The following GRK5 variants were observed in gnomAD, a reference collection of about 807,000 sequenced individuals.
GRK5 encodes g protein-coupled receptor kinase GRK5.
Under a neutral mutation model 78.4 loss-of-function variants are expected in GRK5, and 40 were observed. The ratio of observed to expected loss-of-function variants is 0.51; its 90% CI spans 0.40 to 0.66. GRK5 has a LOEUF of 0.66. GRK5 is among the 30% of genes least tolerant of loss of function. GRK5 has a pLI of 0.00. For missense variants in GRK5, 598 were observed against 759.9 expected (o/e 0.79, Z 2.50); for synonymous variants, 289 against 296.8 (o/e 0.97, Z 0.27).
Position 119,413,793 on chromosome 10 carries a change from G to A in GRK5, c.340-9373G>A, listed in dbSNP as rs899189135. On this transcript the variant is annotated intron_variant, in intron 4 of 15. Coordinates refer to ENST00000392870, the MANE Select transcript of GRK5 (RefSeq NM_005308.3). ...AACCCACATCAAGGCCCAGCACAACGCCTGCCTCTCTCAGGGGCCGTGACT... is the reference window on the plus strand; with the variant it reads ...AACCCACATCAAGGCCCAGCACAACACCTGCCTCTCTCAGGGGCCGTGACT... Among the ~76,000 whole-genome samples the A allele has an allele frequency of 2.6e-5, 4 of 152,124 alleles. No individual in the cohort carries two copies. In the East Asian group the frequency reaches 5.8e-4, roughly 22 times the overall value.
Position 119,448,198 on chromosome 10 carries a change from T to G in GRK5, c.1342T>G (p.Phe448Val). The G allele has an allele frequency of 6.3e-7, 1 of 1,591,548 alleles. No homozygotes were observed. Among genetic ancestry groups the G allele is most frequent in the Non-Finnish European group, 8.5e-7 (1 of 1,170,618 alleles). Residue 448 changes from phenylalanine (F) to valine (V), a missense_variant, in exon 13 of 16, where the codon TTC (phenylalanine) becomes GTC (valine). Transcript: ENST00000392870. ...TGCAGAGGTCAAGAGACACCCCTTC[T>G]TCAGGAACATGAACTTCAAGCGCTT... ...GAAEVKRHPF[F>V]RNMNFKRLEA...
chr10:119,338,704 A>G (rs1286155288), intron 2 of GRK5, among the ~76,000 whole-genome samples: 1 of 151,792 alleles, frequency 6.6e-6, no homozygotes, highest in African/African-American at 2.4e-5. Context: ...AGTACCCTCA[A>G]CCCAGCATCC....
intron 1 of GRK5, among the ~76,000 whole-genome samples, chr10:119,222,660 G>A (rs994905622): frequency 2.0e-5 from 3 of 151,652 alleles, no homozygotes; most frequent in Non-Finnish European, 4.4e-5. Flanking sequence ...AGAGCCCCAC[G>A]GCCTTCAGTA....
chr10:119,337,785 A>G (rs1023757278), intron 2 of GRK5, among the ~76,000 whole-genome samples: 13 of 151,942 alleles, frequency 8.6e-5, no homozygotes, highest in African/African-American at 2.9e-4. Context: ...GTGCCCGGCT[A>G]ATTTTTTTTA....
Position 119,430,509 on chromosome 10 carries a change from A to C in GRK5, c.597+71A>C. ...TCACCTTTCCTGTCCCTTCTAAATC[A>C]ACCTAAAGGGTTGGCCCACGGGTCC... On this transcript the variant is annotated intron_variant, in intron 7 of 15. Coordinates refer to ENST00000392870, the MANE Select transcript of GRK5 (RefSeq NM_005308.3). The surrounding 1 kb of genome is among the most constrained non-coding windows in gnomAD (Gnocchi z 4.5). 1 of 1,452,744 alleles carries C rather than the reference A, an allele frequency of 6.9e-7. No individual in the cohort carries two copies. The highest frequency in any genetic ancestry group is 9.6e-7 in the Non-Finnish European group (1 of 1,046,556). The allele number at this position is 1,452,744 out of a possible 1,614,324, so 90.0% of individuals were successfully genotyped here.
rs929330682 is a variant in GRK5, at chr10:119,379,380, C to T, written c.149-1435C>T. Among the ~76,000 whole-genome samples the T allele has an allele frequency of 1.3e-5, 2 of 152,134 alleles. No individual in the cohort carries two copies. Among genetic ancestry groups the T allele is most frequent in the Non-Finnish European group, 2.9e-5 (2 of 68,028 alleles). On this transcript the variant is annotated intron_variant, in intron 2 of 15. Coordinates refer to ENST00000392870, the MANE Select transcript of GRK5 (RefSeq NM_005308.3). The surrounding 1 kb of genome is among the most constrained non-coding windows in gnomAD (Gnocchi z 4.1). ...GAGCCCACACTGACACTCACAGCTA[C>T]CACGAGATCCTCCCTCCCGGCAAGC...
intron 1 of GRK5, among the ~76,000 whole-genome samples, chr10:119,241,597 G>A (rs1364518428): frequency 6.6e-6 from 1 of 152,172 alleles, no homozygotes; most frequent in Non-Finnish European, 1.5e-5. Flanking sequence ...TGGGCACATA[G>A]GGGATGTTCA....
chr10:119,286,363 C>G (rs542703951), intron 1 of GRK5, among the ~76,000 whole-genome samples: 1 of 152,228 alleles, frequency 6.6e-6, no homozygotes, highest in Non-Finnish European at 1.5e-5. Context: ...TCAAAATCTG[C>G]CCCCTTGTTT....
At position 119,215,440 on chromosome 10, in the gene GRK5, G is replaced by A. The variant is rs540663275; in HGVS notation, c.52+7471G>A. ...AGTTGGGGAGAGAGACAGTGTGGAG[G>A]AGGGGGAGAAGGAGAGATGAGAGGG... On this transcript the variant is annotated intron_variant, in intron 1 of 15. Coordinates refer to ENST00000392870, the MANE Select transcript of GRK5 (RefSeq NM_005308.3). 2.2e-4 allele frequency among the ~76,000 whole-genome samples: 33 copies of A among 151,366 alleles called. 1 individual carries two copies. In the South Asian group the frequency reaches 7.0e-3, roughly 32 times the overall value.
At chr10:119,377,063 A>G (rs940980267) in intron 2 of GRK5, among the ~76,000 whole-genome samples, 26 of 152,034 alleles carry the variant, frequency 1.7e-4, no homozygotes, top group African/African-American at 6.3e-4. Flanking sequence ...CCCACCCCTA[A>G]AGATAGATTT....
At chr10:119,294,637 G>A (rs1341157658) in intron 1 of GRK5, among the ~76,000 whole-genome samples, 4 of 152,154 alleles carry the variant, frequency 2.6e-5, no homozygotes, top group Non-Finnish European at 4.4e-5. Context: ...AGGTTCGCAG[G>A]GCTAAGGAGG....
At chr10:119,421,545 C>T (rs564258870) in intron 4 of GRK5, among the ~76,000 whole-genome samples, 5 of 152,326 alleles carry the variant, frequency 3.3e-5, no homozygotes, top group East Asian at 1.9e-4. Context: ...AGTTGTGACC[C>T]GTGCTCTGTG....
At chr10:119,318,133 G>C (rs539209706) in intron 1 of GRK5, among the ~76,000 whole-genome samples, 7 of 151,886 alleles carry the variant, frequency 4.6e-5, no homozygotes, top group Non-Finnish European at 7.4e-5. Context: ...AGTTTCCCCC[G>C]TGGAACCTTT....
Position 119,378,255 on chromosome 10 carries a change from G to T in GRK5, c.149-2560G>T, listed in dbSNP as rs143368638. On this transcript the variant is annotated intron_variant, in intron 2 of 15. Coordinates refer to ENST00000392870, the MANE Select transcript of GRK5 (RefSeq NM_005308.3). This position sits in a 1 kb window ranked among gnomAD's most constrained non-coding sequence, Gnocchi z 4.5. ...ACTGAGGCTAAATGCTTGTTGGAGT[G>T]GCTATTTGTGAACCATCTGTGCTGG... 4.2e-4 allele frequency among the ~76,000 whole-genome samples: 64 copies of T among 152,262 alleles called. No homozygotes were observed. The highest frequency in any genetic ancestry group is 9.0e-4 in the Non-Finnish European group (61 of 68,018).
intron 1 of GRK5, among the ~76,000 whole-genome samples, chr10:119,211,309 A>G (rs1848482673): frequency 6.6e-6 from 1 of 152,242 alleles, no homozygotes; most frequent in Admixed American, 6.5e-5. Flanking sequence ...TTCATGAAAA[A>G]GAGGCCCAGA....
chr10:119,419,378 A>G (rs1852526389), intron 4 of GRK5, among the ~76,000 whole-genome samples: 1 of 152,244 alleles, frequency 6.6e-6, no homozygotes. Flanking sequence ...CATTGATGCA[A>G]ATAATAAATG....
intron 2 of GRK5, 67 bp downstream of exon 2, chr10:119,326,678 A>T (rs1850686305): frequency 1.7e-6 from 2 of 1,203,232 alleles, no homozygotes; most frequent in Non-Finnish European, 2.5e-6. Context: ...CCGTTTGTGC[A>T]TTAAGGCAAA....
chr10:119,417,564 CTCA>C (rs57832755), intron 4 of GRK5, among the ~76,000 whole-genome samples: 62,648 of 148,250 alleles, frequency 0.42, 13,027 homozygotes, highest in East Asian at 0.53. Flanking sequence ...CCCCAACAGT[CTCA>C]TCATTGAAAA....
intron 1 of GRK5, among the ~76,000 whole-genome samples, chr10:119,324,569 G>A (rs185641621): frequency 1.3e-5 from 2 of 152,326 alleles, no homozygotes; most frequent in Non-Finnish European, 2.9e-5. Context: ...GGCAGAGGTT[G>A]CAGTGAACCG....
Sources: gnomAD v4.1 joint callset for allele counts (sites outside exome capture counted in the v4.1 genomes callset) on GRCh38, gnomAD v4.1.1 for gene constraint, Gnocchi (gnomAD v3.1) non-coding constraint, MANE v1.5 for transcripts, NCBI Gene and HGNC (gene_info 2026-07-23, HGNC 2026-07-21) for gene names.